SRGAP2: variants seen among roughly 807,000 people sequenced by gnomAD.
The protein encoded by SRGAP2 is SLIT-ROBO Rho GTPase activating protein 2, also known as SLIT-ROBO Rho GTPase-activating protein 2.
Under a neutral mutation model 57.2 loss-of-function variants are expected in SRGAP2, and 15 were observed. The observed-to-expected ratio is 0.26, with a 90% CI of 0.18 to 0.40. The LOEUF (loss-of-function observed/expected upper bound fraction) is 0.40. Among genes scored for constraint, SRGAP2 ranks in the 10% least tolerant of loss-of-function variants. The pLI, the probability that SRGAP2 is intolerant of heterozygous loss-of-function variation, is 1.00. For synonymous variants in SRGAP2, 249 were observed against 248.0 expected, an observed-to-expected ratio of 1.00 and a Z score of -0.04; for missense variants, 520 against 669.6, an observed-to-expected ratio of 0.78 and a Z score of 2.47.
intron 19 of SRGAP2, among the ~76,000 whole-genome samples, chr1:206,451,638 G>A (rs1663314211): frequency 1.3e-5 from 2 of 152,194 alleles, no homozygotes; most frequent in South Asian, 4.1e-4. Context: ...ATGATCATTT[G>A]CTACATTCGA....
At chr1:206,266,534 C>T (rs1450871076) in intron 2 of SRGAP2, among the ~76,000 whole-genome samples, 5 of 152,194 alleles carry the variant, frequency 3.3e-5, no homozygotes, top group South Asian at 4.1e-4. Context: ...TGAGCCACCA[C>T]GCCCGACCTT....
At chr1:206,418,888 C>CTCTCTGTGTGTG (rs1553363092) in intron 11 of SRGAP2, among the ~76,000 whole-genome samples, 9 of 136,566 alleles carry the variant, frequency 6.6e-5, no homozygotes, top group African/African-American at 2.5e-4. Flanking sequence ...CCAACTCTCT[C>CTCTCTGTGTGTG]TGTGTGTGTG....
At chr1:206,341,670 A>G (rs1363900428) in intron 3 of SRGAP2, among the ~76,000 whole-genome samples, 3 of 152,022 alleles carry the variant, frequency 2.0e-5, no homozygotes, top group Admixed American at 6.6e-5. Context: ...TTGGTAATCA[A>G]TAATTCTTTT....
Position 206,307,750 on chromosome 1 carries a change from C to T in SRGAP2, c.260+4277C>T, listed in dbSNP as rs1406454577. On this transcript the variant is annotated intron_variant, in intron 3 of 22. Transcript: ENST00000573034. ...CAGGGCTGGCCGGCTGCTCCGAGTG[C>T]GGGGCCCACCAAGCCCACGCCCACC... Among the ~76,000 whole-genome samples the T allele has an allele frequency of 8.2e-3, 1,254 of 152,304 alleles. 10 individuals are homozygous for T. The highest frequency in any genetic ancestry group is 0.017 in the Middle Eastern group (5 of 294).
intron 4 of SRGAP2, among the ~76,000 whole-genome samples, chr1:206,374,207 T>A (rs1655004478): frequency 2.7e-5 from 4 of 150,942 alleles, no homozygotes; most frequent in Admixed American, 6.6e-5. Flanking sequence ...TTTTTGTATT[T>A]TTAGTAGAGA....
intron 13 of SRGAP2, among the ~76,000 whole-genome samples, chr1:206,424,761 G>A (rs1280211393): frequency 6.6e-6 from 1 of 152,218 alleles, no homozygotes; most frequent in Non-Finnish European, 1.5e-5. Flanking sequence ...CACATCCCAG[G>A]GAAATTAATT....
At chr1:206,418,493 A>T (rs1337022799) in intron 11 of SRGAP2, among the ~76,000 whole-genome samples, 9 of 152,352 alleles carry the variant, frequency 5.9e-5, no homozygotes, top group Admixed American at 5.9e-4. Flanking sequence ...CCAGCTCAGC[A>T]CCTGCTAGGG....
chr1:206,453,363 C>T lies in SRGAP2; in HGVS notation c.2343C>T (p.Tyr781=), dbSNP rs1553376898. The change falls in exon 20 of 23, where the codon TAC becomes TAT. Residue 781 remains tyrosine (Y), a synonymous_variant. Coordinates refer to ENST00000573034, the MANE Select transcript of SRGAP2 (RefSeq NM_015326.5). ...NGIDGLIPHQ[Y]IVVQDTEDGV... ...TCGACGGACTCATCCCCCATCAGTA[C>T]ATCGTGGTCCAAGACACGTACGTTG... 7 of 706,600 alleles carry T rather than the reference C, an allele frequency of 9.9e-6. No homozygotes were observed. The highest frequency in any genetic ancestry group is 2.6e-6 in the Non-Finnish European group (1 of 377,360). The allele number at this position is 706,600 out of a possible 1,614,324, so 43.8% of individuals were successfully genotyped here. A position where few individuals can be genotyped will look rare whatever the true frequency, so the allele number is the denominator to read the frequency against.
At chr1:206,410,033 G>C (rs12091996) in intron 10 of SRGAP2, among the ~76,000 whole-genome samples, 7,014 of 151,958 alleles carry the variant, frequency 0.046, 390 homozygotes, top group African/African-American at 0.13. Flanking sequence ...CCCGGGAAGC[G>C]GAGGTTGCAG....
chr1:206,448,335 C>T (rs966523425), intron 18 of SRGAP2, among the ~76,000 whole-genome samples: 38 of 152,148 alleles, frequency 2.5e-4, no homozygotes, highest in African/African-American at 8.7e-4. Context: ...AAACTGGAAC[C>T]GGTTTTCTAG....
intron 3 of SRGAP2, among the ~76,000 whole-genome samples, chr1:206,323,041 A>C (rs1487867202): frequency 4.6e-5 from 7 of 151,826 alleles, no homozygotes; most frequent in Non-Finnish European, 1.0e-4. Flanking sequence ...AATCTTATTC[A>C]TGAAGGATTC....
At position 206,237,298 on chromosome 1, in the gene SRGAP2, G is replaced by A. The variant is rs1667969546; in HGVS notation, c.67+31261G>A. 2.6e-5 allele frequency among the ~76,000 whole-genome samples: 4 copies of A among 151,872 alleles called. No homozygotes were observed. The South Asian group carries it at 8.3e-4, about 32-fold the overall frequency. Reference sequence around the variant, plus strand: ...GAGTGAGACCCTGTCTCAGAGGGGGGAAAAAAAAGTGAATGTACACGTATT... The same window carrying A: ...GAGTGAGACCCTGTCTCAGAGGGGGAAAAAAAAAGTGAATGTACACGTATT... On this transcript the variant is annotated intron_variant, in intron 2 of 22. Transcript: ENST00000573034.
At chr1:206,452,702 C>T (rs1663424620) in intron 19 of SRGAP2, among the ~76,000 whole-genome samples, 1 of 151,994 alleles carries the variant, frequency 6.6e-6, no homozygotes, top group Non-Finnish European at 1.5e-5. Flanking sequence ...TCCTGGCTAA[C>T]ATGGTGAAAC....
At chr1:206,210,442 A>T (rs1571572047) in intron 2 of SRGAP2, among the ~76,000 whole-genome samples, 2 of 101,556 alleles carry the variant, frequency 2.0e-5, no homozygotes, top group Non-Finnish European at 1.8e-5. Context: ...ATGTCTTAGG[A>T]GAACAGTGTG....
intron 7 of SRGAP2, among the ~76,000 whole-genome samples, chr1:206,397,122 A>C (rs1398459696): frequency 6.6e-6 from 1 of 151,708 alleles, no homozygotes; most frequent in Non-Finnish European, 1.5e-5. Flanking sequence ...CAAGGCAACC[A>C]CTGTTATGAT....
intron 2 of SRGAP2, among the ~76,000 whole-genome samples, chr1:206,258,108 A>G (rs1669308152): frequency 6.6e-6 from 1 of 151,796 alleles, no homozygotes; most frequent in Non-Finnish European, 1.5e-5. Flanking sequence ...AAGCCATGGG[A>G]AGGAATCTGG....
At chr1:206,238,026 A>G (rs1289594507) in intron 2 of SRGAP2, among the ~76,000 whole-genome samples, 2 of 6,062 alleles carry the variant, frequency 3.3e-4, no homozygotes, top group Admixed American at 1.4e-3. Flanking sequence ...TGTCTGGCCT[A>G]TAGTAGGTGC....
intron 2 of SRGAP2, among the ~76,000 whole-genome samples, chr1:206,239,578 C>T (rs1668082832): frequency 6.6e-6 from 1 of 151,708 alleles, no homozygotes; most frequent in Non-Finnish European, 1.5e-5. Flanking sequence ...GTGCCTCAGC[C>T]TCCCGAGTAG....
intron 2 of SRGAP2, chr1:206,207,596 C>G (rs1390531122): frequency 6.6e-6 from 1 of 151,642 alleles, no homozygotes; most frequent in Non-Finnish European, 1.5e-5. Context: ...TCTTGGAATC[C>G]CCCCTGCAGT....
Sources: allele counts gnomAD v4.1 joint callset (sites outside exome capture counted in the v4.1 genomes callset), GRCh38; gene constraint gnomAD v4.1.1; transcripts MANE v1.5; gene names NCBI Gene and HGNC (gene_info 2026-07-23, HGNC 2026-07-21).